Variants in AUTS2 observed in about 807,000 individuals in gnomAD.
The protein encoded by AUTS2 is autism susceptibility gene 2 protein.
In AUTS2, 17 loss-of-function variants were observed where a neutral mutation model predicts 112.4. The ratio of observed to expected loss-of-function variants is 0.15; its 90% CI spans 0.10 to 0.23. The LOEUF is 0.23. Ranked by LOEUF, AUTS2 falls within the 10% of genes least tolerant of loss-of-function variation. The pLI, the probability that AUTS2 is intolerant of heterozygous loss-of-function variation, is 1.00. For synonymous variants in AUTS2, 751 were observed against 702.7 expected (o/e 1.07, Z -1.09); for missense variants, 1,510 against 1,701.6 (o/e 0.89, Z 1.98).
chr7:70,715,536 TC>T (rs1810317138), intron 6 of AUTS2, among the ~76,000 whole-genome samples: 1 of 151,750 alleles, frequency 6.6e-6, no homozygotes, highest in Non-Finnish European at 1.5e-5. Context: ...TCTTTTCTTT[TC>T]TTTTCTTTTT....
intron 1 of AUTS2, among the ~76,000 whole-genome samples, chr7:69,785,530 T>A (rs1464844627): frequency 2.0e-5 from 3 of 152,230 alleles, no homozygotes; most frequent in Admixed American, 1.3e-4. Flanking sequence ...GAATAAGACA[T>A]AAACAAAGAA....
intron 6 of AUTS2, among the ~76,000 whole-genome samples, chr7:70,716,275 C>A (rs1241337716): frequency 1.3e-5 from 2 of 152,122 alleles, no homozygotes; most frequent in African/African-American, 4.8e-5. Flanking sequence ...TGTTCTTTGC[C>A]CTTTCTCTTA....
At chr7:70,558,586 C>T (rs1801347884) in intron 5 of AUTS2, among the ~76,000 whole-genome samples, 1 of 152,172 alleles carries the variant, frequency 6.6e-6, no homozygotes. Flanking sequence ...GGGGAGATTG[C>T]TCTTGATATA....
At chr7:69,823,459 T>C (rs1791092103) in intron 1 of AUTS2, among the ~76,000 whole-genome samples, 1 of 152,244 alleles carries the variant, frequency 6.6e-6, no homozygotes, top group African/African-American at 2.4e-5. Flanking sequence ...GCAGCAGTGA[T>C]GAAAAGATGC....
intron 4 of AUTS2, among the ~76,000 whole-genome samples, chr7:70,178,806 A>AT (rs1809143733): frequency 1.3e-5 from 2 of 152,114 alleles, no homozygotes; most frequent in Non-Finnish European, 2.9e-5. Context: ...AAAAAAAAAA[A>AT]TGTAGGTCTT....
At chr7:70,102,115 C>CTTT (rs537710268) in intron 2 of AUTS2, among the ~76,000 whole-genome samples, 26 of 127,158 alleles carry the variant, frequency 2.0e-4, no homozygotes, top group African/African-American at 2.9e-4. Flanking sequence ...GCAGTGTTTA[C>CTTT]TTTTTTTTTT....
rs568915663 is a variant in AUTS2, at chr7:70,777,928, A to G, written c.2004+754A>G. The stretch of plus-strand genomic sequence containing the variant: ...CTTTTCATTTTATGGCTGTGGGAAA[A>G]TGGTAGAGTCATGTGTGCCCTATAT... On this transcript the variant is annotated intron_variant, in intron 14 of 18. Transcript: ENST00000342771. 1.3e-4 allele frequency among the ~76,000 whole-genome samples: 20 copies of G among 152,268 alleles called. No individual in the cohort carries two copies. The South Asian group carries it at 3.9e-3, about 30-fold the overall frequency.
chr7:70,383,665 GTC>G (rs1353143621), intron 4 of AUTS2, among the ~76,000 whole-genome samples: 2 of 152,182 alleles, frequency 1.3e-5, no homozygotes, highest in Admixed American at 1.3e-4. Context: ...TGACAAAAAA[GTC>G]TGTTTTTTCC....
chr7:70,387,646 A>G (rs1235504509), intron 4 of AUTS2, among the ~76,000 whole-genome samples: 2 of 152,156 alleles, frequency 1.3e-5, no homozygotes, highest in Non-Finnish European at 2.9e-5. Flanking sequence ...AATGTGACCC[A>G]AGGTTGCAAA....
intron 4 of AUTS2, among the ~76,000 whole-genome samples, chr7:70,287,406 G>C (rs146831731): frequency 1.2e-4 from 18 of 152,282 alleles, no homozygotes; most frequent in African/African-American, 4.3e-4. Context: ...CAGAATATTA[G>C]AAATACAGTG....
At chr7:70,482,054 G>A (rs1797809335) in intron 5 of AUTS2, among the ~76,000 whole-genome samples, 1 of 152,140 alleles carries the variant, frequency 6.6e-6, no homozygotes, top group South Asian at 2.1e-4. Context: ...AAGTCCGTAG[G>A]CTTGAGCAAA....
intron 4 of AUTS2, among the ~76,000 whole-genome samples, chr7:70,252,844 T>A (rs1233985464): frequency 6.6e-6 from 1 of 152,162 alleles, no homozygotes; most frequent in African/African-American, 2.4e-5. Context: ...AAAGAGACTA[T>A]CTTTTCTCCA....
intron 5 of AUTS2, among the ~76,000 whole-genome samples, chr7:70,548,763 T>G (rs1800895848): frequency 6.6e-6 from 1 of 152,228 alleles, no homozygotes; most frequent in Non-Finnish European, 1.5e-5. Context: ...TCTATATGTC[T>G]ATCCTTATGT....
At chr7:70,075,625 T>TAG (rs1481484548) in intron 2 of AUTS2, among the ~76,000 whole-genome samples, 1 of 152,162 alleles carries the variant, frequency 6.6e-6, no homozygotes, top group Non-Finnish European at 1.5e-5. Context: ...CAAATACACA[T>TAG]GGCTAAAAGG....
chr7:69,704,128 T>G (rs1797947630), intron 1 of AUTS2, among the ~76,000 whole-genome samples: 2 of 152,156 alleles, frequency 1.3e-5, no homozygotes, highest in African/African-American at 4.8e-5. Flanking sequence ...CTGTTTACAG[T>G]GCTATCACAG....
rs191118708 is a variant in AUTS2 at position 69,678,517 on chromosome 7, C to T, written c.309+78555C>T. The stretch of plus-strand genomic sequence containing the variant: ...GTTGTGAGCGGAACAAAAATCATGG[C>T]GAAATGGTGTTATTACTTAACCAAA... On this transcript the variant is annotated intron_variant, in intron 1 of 18. Transcript: ENST00000342771. Among the ~76,000 whole-genome samples, 352 of 152,196 alleles carry T rather than the reference C, an allele frequency of 2.3e-3. 2 individuals are homozygous for T. The highest frequency in any genetic ancestry group is 3.5e-3 in the Non-Finnish European group (239 of 68,026).
intron 5 of AUTS2, among the ~76,000 whole-genome samples, chr7:70,490,702 A>G (rs750968866): frequency 8.5e-5 from 13 of 152,130 alleles, no homozygotes; most frequent in Non-Finnish European, 1.5e-4. Flanking sequence ...CAGTAAGTCA[A>G]TCTGATAGAT....
intron 5 of AUTS2, among the ~76,000 whole-genome samples, chr7:70,637,680 C>T (rs1805599716): frequency 6.6e-6 from 1 of 152,088 alleles, no homozygotes; most frequent in Admixed American, 6.6e-5. Flanking sequence ...AGAAAAGCAG[C>T]CCCAGGAAGG....
chr7:70,674,134 G>A (rs1019530417), intron 5 of AUTS2, among the ~76,000 whole-genome samples: 7 of 152,170 alleles, frequency 4.6e-5, no homozygotes, highest in African/African-American at 1.4e-4. Context: ...GGCAGCTCCC[G>A]GCTCTGCTCC....
Sources: gnomAD v4.1 joint callset for allele counts (sites outside exome capture counted in the v4.1 genomes callset) on GRCh38, gnomAD v4.1.1 for gene constraint, MANE v1.5 for transcripts, NCBI Gene and HGNC (gene_info 2026-07-23, HGNC 2026-07-21) for gene names.